The following HINT3 variants were observed in gnomAD, a reference collection of about 807,000 sequenced individuals.
The protein encoded by HINT3 is adenosine 5'-monophosphoramidase HINT3.
In HINT3, 16 loss-of-function variants were observed where a neutral mutation model predicts 19.1. That is an observed-to-expected ratio of 0.84 (90% CI 0.57 to 1.27). The LOEUF (loss-of-function observed/expected upper bound fraction) is 1.27, where lower values mean the gene tolerates loss of function less well. Ranked by LOEUF, HINT3 falls within the 50% of genes most tolerant of loss-of-function variation. The probability of loss-of-function intolerance (pLI) is 0.00; values close to 1 mark genes in which losing one functional copy is unlikely to be tolerated. For synonymous variants in HINT3, 75 were observed against 84.8 expected (o/e 0.88, Z 0.63); for missense variants, 197 against 225.8 (o/e 0.87, Z 0.82).
intron 2 of HINT3, 134 bp downstream of exon 2, chr6:125,967,138 A>G: frequency 3.7e-6 from 2 of 544,604 alleles, no homozygotes; most frequent in Non-Finnish European, 3.2e-6. Context: ...AATTTTCACT[A>G]TAAAGAATTT....
chr6:125,961,564 C>T (rs1298814747), intron 1 of HINT3, among the ~76,000 whole-genome samples: 3 of 152,130 alleles, frequency 2.0e-5, no homozygotes, highest in Non-Finnish European at 4.4e-5. Flanking sequence ...GCTTACAGAA[C>T]TCAGGGAAAC....
chr6:125,962,364 G>T (rs886856114), intron 1 of HINT3, among the ~76,000 whole-genome samples: 1 of 144,634 alleles, frequency 6.9e-6, no homozygotes, highest in African/African-American at 2.6e-5. Flanking sequence ...CAAAACGTAA[G>T]ATACAGATGC....
At chr6:125,963,345 T>C in intron 1 of HINT3, among the ~76,000 whole-genome samples, 1 of 152,186 alleles carries the variant, frequency 6.6e-6, no homozygotes, top group Admixed American at 6.5e-5. Context: ...GCTAGATGGA[T>C]GATAACAGAA....
intron 1 of HINT3, among the ~76,000 whole-genome samples, chr6:125,960,236 A>T (rs1788899073): frequency 6.6e-6 from 1 of 152,226 alleles, no homozygotes; most frequent in Non-Finnish European, 1.5e-5. Flanking sequence ...CAGTCTGCTT[A>T]GTTGTGTGAT....
chr6:125,971,779 G>A (rs1316853030), intron 2 of HINT3, among the ~76,000 whole-genome samples: 2 of 125,918 alleles, frequency 1.6e-5, no homozygotes, highest in South Asian at 2.6e-4. Context: ...GCTCAATCTC[G>A]GCTCACTGCA....
chr6:125,970,526 A>C (rs1789082330), intron 2 of HINT3, among the ~76,000 whole-genome samples: 1 of 152,154 alleles, frequency 6.6e-6, no homozygotes, highest in African/African-American at 2.4e-5. Context: ...GGTATTTGGG[A>C]TTCCATTACA....
At chr6:125,959,854 C>T (rs1348280210) in intron 1 of HINT3, among the ~76,000 whole-genome samples, 6 of 152,172 alleles carry the variant, frequency 3.9e-5, no homozygotes, top group Admixed American at 2.6e-4. Flanking sequence ...GTGTGCCAGG[C>T]ACTGTTGGAG....
At position 125,959,789 on chromosome 6, in the gene HINT3, G is replaced by A. The variant is rs376450408; in HGVS notation, c.201+2611G>A. On this transcript the variant is annotated intron_variant, in intron 1 of 4. Coordinates refer to ENST00000229633, the MANE Select transcript of HINT3 (RefSeq NM_138571.5). ...TGCCTATAGAGAGAGGTTTAAAATG[G>A]CCCGGCGGGTAGAATGTTGACCCTG... Among the ~76,000 whole-genome samples, 51 of 152,276 alleles carry A rather than the reference G, an allele frequency of 3.3e-4. No individual in the cohort carries two copies. The Middle Eastern group carries it at 0.01, about 30-fold the overall frequency.
intron 3 of HINT3, among the ~76,000 whole-genome samples, chr6:125,972,634 G>T (rs1789118013): frequency 6.6e-6 from 1 of 152,176 alleles, no homozygotes; most frequent in South Asian, 2.1e-4. Flanking sequence ...GTGTTGCCCA[G>T]GCTAGAGTGC....
chr6:125,962,477 T>C (rs1005618983), intron 1 of HINT3, among the ~76,000 whole-genome samples: 13 of 151,744 alleles, frequency 8.6e-5, no homozygotes, highest in Admixed American at 3.9e-4. Flanking sequence ...ATTAATCTTT[T>C]TAAAAAGAAT....
chr6:125,975,007 A>T (rs1261548482), intron 4 of HINT3, 34 bp downstream of exon 4: 7 of 1,598,024 alleles, frequency 4.4e-6, no homozygotes, highest in Non-Finnish European at 5.1e-6. Context: ...AGCATACAAA[A>T]ATATTTAAAA....
At chr6:125,971,702 CTTTTTTTTT>C (rs142105115) in intron 2 of HINT3, among the ~76,000 whole-genome samples, 13 of 59,616 alleles carry the variant, frequency 2.2e-4, no homozygotes, top group Admixed American at 8.0e-4. Context: ...GCCTGGCTAC[CTTTTTTTTT>C]TTTTTTTTTT....
chr6:125,957,270 G>A (rs763569133), intron 1 of HINT3, 92 bp downstream of exon 1: 335 of 1,320,628 alleles, frequency 2.5e-4, no homozygotes, highest in Non-Finnish European at 3.1e-4. Flanking sequence ...AGCGGGTGCA[G>A]AGGATCCCGA....
chr6:125,972,509 A>T (rs984233891), intron 3 of HINT3, among the ~76,000 whole-genome samples, 181 bp downstream of exon 3: 3 of 152,200 alleles, frequency 2.0e-5, no homozygotes, highest in Non-Finnish European at 2.9e-5. Flanking sequence ...GTGTCTCAAT[A>T]TCTTCCAATA....
chr6:125,956,897 G>A lies in HINT3; in HGVS notation c.-81G>A. On this transcript the variant is annotated 5_prime_UTR_variant, in exon 1 of 5. Transcript: ENST00000229633. The stretch of plus-strand genomic sequence containing the variant: ...AGGGGCGACGTCTCGAGGTAAAACG[G>A]AGGAGGTGCGGGACGCGGAGACTGC... 1.4e-6 allele frequency: 2 copies of A among 1,392,928 alleles called. No homozygotes were observed. The highest frequency in any genetic ancestry group is 2.0e-6 in the Non-Finnish European group (2 of 1,023,918). 86.3% of individuals were successfully genotyped at this position (1,392,928 alleles called of 1,614,324 possible).
At chr6:125,962,267 TATACATAC>T (rs1211692499) in intron 1 of HINT3, among the ~76,000 whole-genome samples, 15,671 of 47,616 alleles carry the variant, frequency 0.33, 3,292 homozygotes, top group East Asian at 0.69. Flanking sequence ...TATATATATA[TATACATAC>T]ATATATATAT....
chr6:125,973,809 C>T (rs920875903), intron 3 of HINT3, among the ~76,000 whole-genome samples: 2 of 152,212 alleles, frequency 1.3e-5, no homozygotes, highest in African/African-American at 4.8e-5. Flanking sequence ...AGTCTCAACT[C>T]CAGCTCCACG....
intron 1 of HINT3, among the ~76,000 whole-genome samples, chr6:125,961,272 A>G (rs960426128): frequency 6.6e-6 from 1 of 152,240 alleles, no homozygotes; most frequent in African/African-American, 2.4e-5. Context: ...AACAACAGCA[A>G]TCAACACAGA....
At chr6:125,970,882 G>T (rs1269314876) in intron 2 of HINT3, among the ~76,000 whole-genome samples, 1 of 152,170 alleles carries the variant, frequency 6.6e-6, no homozygotes, top group East Asian at 1.9e-4. Flanking sequence ...AGTCTGGCTT[G>T]AAGTAATTTG....
Sources: allele counts gnomAD v4.1 joint callset (sites outside exome capture counted in the v4.1 genomes callset), GRCh38; gene constraint gnomAD v4.1.1; transcripts MANE v1.5; gene names NCBI Gene and HGNC (gene_info 2026-07-23, HGNC 2026-07-21).